TTYH1: variants seen among roughly 807,000 people sequenced by gnomAD.
The protein encoded by TTYH1 is protein tweety homolog 1.
In TTYH1, 33 loss-of-function variants were observed where a neutral mutation model predicts 61.2. That is an observed-to-expected ratio of 0.54 (90% CI 0.41 to 0.72). The LOEUF (loss-of-function observed/expected upper bound fraction) is 0.72. Among genes scored for constraint, TTYH1 ranks in the 30% least tolerant of loss-of-function variants. The pLI is 0.00. For synonymous variants in TTYH1, 308 were observed against 266.4 expected, an observed-to-expected ratio of 1.16 and a Z score of -1.52; for missense variants, 538 against 575.8, an observed-to-expected ratio of 0.93 and a Z score of 0.67.
chr19:54,435,768 G>A (rs1225802182), intron 11 of TTYH1, 60 bp from the exon 12 acceptor site: 11 of 1,612,822 alleles, frequency 6.8e-6, no homozygotes, highest in Non-Finnish European at 8.5e-6. Context: ...GGGGTGGGGG[G>A]TGCAGCCTCC....
In TTYH1 at chr19:54,422,209, G is replaced by C. The variant is rs1246600672; in HGVS notation, c.437G>C (p.Arg146Thr). The C allele has an allele frequency of 2.6e-6, 4 of 1,563,668 alleles. No individual in the cohort carries two copies. The highest frequency in any genetic ancestry group is 1.7e-6 in the Non-Finnish European group (2 of 1,154,636). The change falls in exon 4 of 14, where the codon AGG becomes ACG. Residue 146 changes from arginine to threonine, a missense_variant. Physicochemically the swap from Arg to Thr is moderately conservative, Grantham distance 71. Coordinates refer to ENST00000376530, the MANE Select transcript of TTYH1 (RefSeq NM_020659.4). ...CCCCAGGTGTTGGAGACGGTGGAGAGGCTGGGCGAGGCGGTGAGGACAGAG... is the reference window on the plus strand; with the variant it reads ...CCCCAGGTGTTGGAGACGGTGGAGACGCTGGGCGAGGCGGTGAGGACAGAG... ...IDHLVLETVE[R>T]LGEAVRTELT...
At position 54,416,043 on chromosome 19, in the gene TTYH1, C is replaced by T; in HGVS notation, c.126+365C>T. Reference sequence around the variant, plus strand: ...CTACTCTTCCTGCCCTAAAAGATGACCCTGCCCCACAGGATCAGAGCAGGT... The same window carrying T: ...CTACTCTTCCTGCCCTAAAAGATGATCCTGCCCCACAGGATCAGAGCAGGT... On this transcript the variant is annotated intron_variant, in intron 1 of 13. Transcript: ENST00000376530. This position sits in a 1 kb window ranked among gnomAD's most constrained non-coding sequence, Gnocchi z 7.0. 1 of 1,314,804 alleles carries T rather than the reference C, an allele frequency of 7.6e-7. No homozygotes were observed. The highest frequency in any genetic ancestry group is 1.0e-6 in the Non-Finnish European group (1 of 996,060). 81.4% of individuals were successfully genotyped at this position (1,314,804 alleles called of 1,614,324 possible).
In TTYH1 at chr19:54,419,686, CG is replaced by C. The variant is rs940589969; in HGVS notation, c.305+385del. On this transcript the variant is annotated intron_variant, in intron 2 of 13. Transcript: ENST00000376530. This position sits in a 1 kb window ranked among gnomAD's most constrained non-coding sequence, Gnocchi z 6.1. ...GCATTATCATCTCGCCCACCTCCTG[CG>C]GGGGTAAGATGGAGAGAAAGCACAG... 2.1e-6 allele frequency: 1 copy of C among 481,166 alleles called. No homozygotes were observed. The highest frequency in any genetic ancestry group is 2.4e-5 in the Admixed American group (1 of 41,298). 29.8% of individuals were successfully genotyped at this position (481,166 alleles called of 1,614,324 possible). A position where few individuals can be genotyped will look rare whatever the true frequency, so the allele number is the denominator to read the frequency against.
At chr19:54,430,178 C>G (rs1389593231) in intron 7 of TTYH1, among the ~76,000 whole-genome samples, 1 of 152,156 alleles carries the variant, frequency 6.6e-6, no homozygotes, top group Admixed American at 6.5e-5. Flanking sequence ...TCTGCTCCAG[C>G]TGGCAGCGCC....
At chr19:54,435,745 C>G (rs999329469) in intron 11 of TTYH1, 61 bp downstream of exon 11, 8 of 1,611,590 alleles carry the variant, frequency 5.0e-6, no homozygotes, top group Middle Eastern at 1.7e-4. Context: ...ACCTGGGGAC[C>G]ACGGTGGCAG....
At position 54,415,898 on chromosome 19, in the gene TTYH1, A is replaced by C; in HGVS notation, c.126+220A>C. ...GGTCCAGACCTCGAGCTCTCTAAAT[A>C]AGGGAAGGCTGGGGACCTGCACCCC... On this transcript the variant is annotated intron_variant, in intron 1 of 13. Transcript: ENST00000376530. This position sits in a 1 kb window ranked among gnomAD's most constrained non-coding sequence, Gnocchi z 5.2. 14 of 759,074 alleles carry C rather than the reference A, an allele frequency of 1.8e-5. No individual in the cohort carries two copies. Among genetic ancestry groups the C allele is most frequent in the East Asian group, 3.5e-5 (1 of 28,772 alleles). The allele number at this position is 759,074 out of a possible 1,614,324, so 47.0% of individuals were successfully genotyped here.
In TTYH1 at chr19:54,415,902, G is replaced by A; in HGVS notation, c.126+224G>A. ...CAGACCTCGAGCTCTCTAAATAAGG[G>A]AAGGCTGGGGACCTGCACCCCTGAG... On this transcript the variant is annotated intron_variant, in intron 1 of 13. Transcript: ENST00000376530. The surrounding 1 kb of genome is among the most constrained non-coding windows in gnomAD (Gnocchi z 5.2). The A allele has an allele frequency of 1.3e-6, 1 of 788,158 alleles. No homozygotes were observed. Among genetic ancestry groups the A allele is most frequent in the Non-Finnish European group, 1.9e-6 (1 of 514,714 alleles). 48.8% of individuals were successfully genotyped at this position (788,158 alleles called of 1,614,324 possible).
chr19:54,419,444 T>A lies in TTYH1; in HGVS notation c.305+138T>A. Reference sequence around the variant, plus strand: ...ACTCCCTCGTCCCTGTCCCTGCCATTTGCAAGCCCACTTCAGCGCACAGCA... The same window carrying A: ...ACTCCCTCGTCCCTGTCCCTGCCATATGCAAGCCCACTTCAGCGCACAGCA... On this transcript the variant is annotated intron_variant, in intron 2 of 13. Transcript: ENST00000376530. The surrounding 1 kb of genome is among the most constrained non-coding windows in gnomAD (Gnocchi z 6.1). 1 of 913,986 alleles carries A rather than the reference T, an allele frequency of 1.1e-6. No individual in the cohort carries two copies. The highest frequency in any genetic ancestry group is 1.7e-6 in the Non-Finnish European group (1 of 578,820). The allele number at this position is 913,986 out of a possible 1,614,324, so 56.6% of individuals were successfully genotyped here.
chr19:54,427,381 G>A (rs1599903671), intron 5 of TTYH1, among the ~76,000 whole-genome samples: 1 of 148,978 alleles, frequency 6.7e-6, no homozygotes, highest in African/African-American at 2.5e-5. Context: ...CGAGGAGGGC[G>A]GATCACGAGG....
rs1475657418 is a variant in TTYH1, at chr19:54,415,647, T to G, written c.95T>G (p.Val32Gly). ...TTCCAGCTCCGCCCGGTGCCCAGCGTTTTCGCGCCCCAAGAGCAGGAATAC... is the reference window on the plus strand; with the variant it reads ...TTCCAGCTCCGCCCGGTGCCCAGCGGTTTCGCGCCCCAAGAGCAGGAATAC... ...ADFQLRPVPS[V>G]FAPQEQEYQQ... Residue 32 changes from valine (V) to glycine (G), a missense_variant, in exon 1 of 14, where the codon GTT becomes GGT. By Grantham distance (109) the Val-to-Gly change is moderately radical. Coordinates refer to ENST00000376530, the MANE Select transcript of TTYH1 (RefSeq NM_020659.4). This position sits in a 1 kb window ranked among gnomAD's most constrained non-coding sequence, Gnocchi z 5.2. 1 of 1,564,450 alleles carries G rather than the reference T, an allele frequency of 6.4e-7. No homozygotes were observed. Among genetic ancestry groups the G allele is most frequent in the South Asian group, 1.2e-5 (1 of 84,788 alleles).
chr19:54,431,166 T>C lies in TTYH1; in HGVS notation c.1100T>C (p.Leu367Pro). The change falls in exon 10 of 14, where the codon CTG becomes CCG. Residue 367 changes from leucine to proline, a missense_variant. This residue lies in a region of TTYH1 where 378 missense variants were observed against 401.2 expected (regional missense o/e 0.94). Transcript: ENST00000376530. ...GGAAATTTCCACCAGTTGGTGGCAC[T>C]GCTACACTGCCGCAGCCTGCACAAG... is the stretch of plus-strand genomic sequence containing the variant. ...TEGNFHQLVA[L>P]LHCRSLHKDY... 6.2e-7 allele frequency: 1 copy of C among 1,613,906 alleles called. No homozygotes were observed. The highest frequency in any genetic ancestry group is 8.5e-7 in the Non-Finnish European group (1 of 1,179,822).
chr19:54,415,626 A>T lies in TTYH1; in HGVS notation c.74A>T (p.Gln25Leu). ...CACCAGCTGCCCCGCGCCGACTTCC[A>T]GCTCCGCCCGGTGCCCAGCGTTTTC... is the stretch of plus-strand genomic sequence containing the variant. ...LLHQLPRADF[Q>L]LRPVPSVFAP... Residue 25 changes from glutamine (Q) to leucine (L), a missense_variant, in exon 1 of 14, where the codon CAG becomes CTG. By Grantham distance (113) the Gln-to-Leu change is moderately radical. Transcript: ENST00000376530. This position sits in a 1 kb window ranked among gnomAD's most constrained non-coding sequence, Gnocchi z 5.2. 1 of 1,565,512 alleles carries T rather than the reference A, an allele frequency of 6.4e-7. No individual in the cohort carries two copies. Among genetic ancestry groups the T allele is most frequent in the South Asian group, 1.2e-5 (1 of 84,804 alleles).
Position 54,416,010 on chromosome 19 carries a change from G to A in TTYH1, c.126+332G>A, listed in dbSNP as rs1402671492. On this transcript the variant is annotated intron_variant, in intron 1 of 13. Transcript: ENST00000376530. This position sits in a 1 kb window ranked among gnomAD's most constrained non-coding sequence, Gnocchi z 7.0. ...AAGCCGGCCTCCAGGGTCATCGGGA[G>A]GGTAGGTCTACTCTTCCTGCCCTAA... is the stretch of plus-strand genomic sequence containing the variant. 1 of 1,336,998 alleles carries A rather than the reference G, an allele frequency of 7.5e-7. No individual in the cohort carries two copies. The highest frequency in any genetic ancestry group is 9.9e-7 in the Non-Finnish European group (1 of 1,010,184). 82.8% of individuals were successfully genotyped at this position (1,336,998 alleles called of 1,614,324 possible).
chr19:54,435,218 TG>T (rs1240708479), intron 10 of TTYH1: 5 of 309,788 alleles, frequency 1.6e-5, no homozygotes, highest in Non-Finnish European at 3.0e-5. Flanking sequence ...GATGCTGGAC[TG>T]GTTCTAGATG....
At chr19:54,417,557 G>A (rs907604273) in intron 1 of TTYH1, among the ~76,000 whole-genome samples, 12 of 151,796 alleles carry the variant, frequency 7.9e-5, no homozygotes, top group South Asian at 2.1e-4. Context: ...CGCACATTGC[G>A]CACAGTGACT....
In TTYH1 at chr19:54,422,457, G is replaced by C. The variant is rs139443585; in HGVS notation, c.638+47G>C. Reference sequence around the variant, plus strand: ...TCTCTGTGCCGGCAGCTCTCAGGCGGAGTCCCCGGGGGGACAGTTGGCAAT... The same window carrying C: ...TCTCTGTGCCGGCAGCTCTCAGGCGCAGTCCCCGGGGGGACAGTTGGCAAT... On this transcript the variant is annotated intron_variant, in intron 4 of 13. Transcript: ENST00000376530. The C allele has an allele frequency of 2.3e-3, 3,313 of 1,454,174 alleles. 65 individuals carry two copies. The African/African-American group carries it at 0.042, about 18-fold the overall frequency. The allele number at this position is 1,454,174 out of a possible 1,614,324, so 90.1% of individuals were successfully genotyped here. A position where few individuals can be genotyped will look rare whatever the true frequency, so the allele number is the denominator to read the frequency against.
chr19:54,430,554 C>T lies in TTYH1; in HGVS notation c.888C>T (p.Ile296=), dbSNP rs751833410. ...CCTCTCCTCCTCCCACTTCAGACAT[C>T]CTGAGCTATTATCTCCTCTGCAACC... is the stretch of plus-strand genomic sequence containing the variant. ...TQEETGLSSD[I]LSYYLLCNRA... is the part of the protein sequence containing the mutation. Residue 296 remains isoleucine, a synonymous_variant, in exon 8 of 14, where the codon ATC becomes ATT. Transcript: ENST00000376530. 3.7e-6 allele frequency: 6 copies of T among 1,614,080 alleles called. No individual in the cohort carries two copies. The highest frequency in any genetic ancestry group is 1.1e-5 in the South Asian group (1 of 91,070).
chr19:54,423,177 C>T (rs368045028), intron 4 of TTYH1, among the ~76,000 whole-genome samples: 2 of 151,476 alleles, frequency 1.3e-5, no homozygotes, highest in East Asian at 3.9e-4. Context: ...ATCCGTGTGA[C>T]ATGTGTATTT....
Position 54,416,833 on chromosome 19 carries a change from G to A in TTYH1, c.126+1155G>A. 4 of 1,293,518 alleles carry A rather than the reference G, an allele frequency of 3.1e-6. No individual in the cohort carries two copies. Among genetic ancestry groups the A allele is most frequent in the Non-Finnish European group, 3.0e-6 (3 of 988,682 alleles). The allele number at this position is 1,293,518 out of a possible 1,614,324, so 80.1% of individuals were successfully genotyped here. ...CCACCTCCAACAACGCCGCTCCACC[G>A]GCTCCGGCCTCGGCCCAGACTCACG... On this transcript the variant is annotated intron_variant, in intron 1 of 13. Coordinates refer to ENST00000376530, the MANE Select transcript of TTYH1 (RefSeq NM_020659.4). The surrounding 1 kb of genome is among the most constrained non-coding windows in gnomAD (Gnocchi z 7.0).
Sources: gnomAD v4.1 joint callset for allele counts (sites outside exome capture counted in the v4.1 genomes callset) on GRCh38, gnomAD v4.1.1 for gene constraint, gnomAD v4.1.1 regional missense constraint, Gnocchi (gnomAD v3.1) non-coding constraint, MANE v1.5 for transcripts, NCBI Gene and HGNC (gene_info 2026-07-23, HGNC 2026-07-21) for gene names.